FBXO28: variants seen among roughly 807,000 people sequenced by gnomAD.
The protein encoded by FBXO28 is F-box only protein 28.
FBXO28 carries 8 observed loss-of-function variants against 38.1 expected under a neutral mutation model. The observed-to-expected ratio is 0.21, with a 90% CI of 0.12 to 0.38. The LOEUF (loss-of-function observed/expected upper bound fraction) is 0.38, where lower values mean the gene tolerates loss of function less well. Ranked by LOEUF, FBXO28 falls within the 10% of genes least tolerant of loss-of-function variation. FBXO28 has a pLI of 1.00. For missense variants in FBXO28, 345 were observed against 460.6 expected (o/e 0.75, Z 2.30); for synonymous variants, 168 against 173.8 (o/e 0.97, Z 0.26).
chr1:224,122,912 C>G (rs568924032), intron 1 of FBXO28, among the ~76,000 whole-genome samples: 1 of 152,178 alleles, frequency 6.6e-6, no homozygotes, highest in East Asian at 1.9e-4. Flanking sequence ...GGACTCTAAT[C>G]AATTTGAAAT....
chr1:224,146,702 A>ATTTTTT (rs5781350), intron 3 of FBXO28, among the ~76,000 whole-genome samples: 2 of 110,320 alleles, frequency 1.8e-5, no homozygotes, highest in African/African-American at 3.6e-5. Flanking sequence ...TAAAACTAAA[A>ATTTTTT]TTTTTTTTTT....
chr1:224,126,261 A>G (rs1255605581), intron 1 of FBXO28, among the ~76,000 whole-genome samples: 2 of 152,224 alleles, frequency 1.3e-5, no homozygotes, highest in Admixed American at 1.3e-4. Context: ...TTATTGAAAG[A>G]TATCTAAACC....
chr1:224,118,034 T>G (rs1656685653), intron 1 of FBXO28, among the ~76,000 whole-genome samples: 1 of 151,480 alleles, frequency 6.6e-6, no homozygotes, highest in African/African-American at 2.4e-5. Context: ...TATTTATTTT[T>G]AATTTTTGAG....
chr1:224,147,826 CAAAAAAA>C (rs3065995), intron 3 of FBXO28, among the ~76,000 whole-genome samples: 2 of 127,892 alleles, frequency 1.6e-5, no homozygotes, highest in Admixed American at 7.7e-5. Flanking sequence ...ATGTAATTTG[CAAAAAAA>C]AAAAAAAAAA....
chr1:224,141,344 G>A (rs1032687696), intron 3 of FBXO28, among the ~76,000 whole-genome samples: 1 of 151,032 alleles, frequency 6.6e-6, no homozygotes, highest in Non-Finnish European at 1.5e-5. Flanking sequence ...GGTGGCGGGT[G>A]CCTGTAGTCC....
intron 3 of FBXO28, among the ~76,000 whole-genome samples, chr1:224,141,793 A>T (rs1433225628): frequency 6.6e-6 from 1 of 152,176 alleles, no homozygotes; most frequent in African/African-American, 2.4e-5. Context: ...AATGAAACTC[A>T]GTTTCTCTGG....
At chr1:224,131,267 C>A (rs183354075) in intron 2 of FBXO28, among the ~76,000 whole-genome samples, 480 of 151,210 alleles carry the variant, frequency 3.2e-3, no homozygotes, top group Middle Eastern at 0.014. Flanking sequence ...TTTTTTGTAA[C>A]CCCTGTCAAA....
chr1:224,134,351 T>A, intron 3 of FBXO28, 139 bp downstream of exon 3: 1 of 714,442 alleles, frequency 1.4e-6, no homozygotes, highest in Non-Finnish European at 2.2e-6. Flanking sequence ...TTGCTTTCTG[T>A]ACAGTTATAA....
At chr1:224,128,460 A>G (rs968409979) in intron 1 of FBXO28, among the ~76,000 whole-genome samples, 9 of 152,098 alleles carry the variant, frequency 5.9e-5, no homozygotes, top group African/African-American at 2.2e-4. Flanking sequence ...TCAAATTAGT[A>G]CTAAGATAAA....
Position 224,157,887 on chromosome 1 carries a change from T to G in FBXO28, c.*141T>G. 7.0e-7 allele frequency: 1 copy of G among 1,428,900 alleles called. No individual in the cohort carries two copies. The highest frequency in any genetic ancestry group is 9.1e-7 in the Non-Finnish European group (1 of 1,098,178). 88.5% of individuals were successfully genotyped at this position (1,428,900 alleles called of 1,614,324 possible). ...CAACTTAAACTTGAACTCTTATGGTTGGGACATTCTTTTCCTGCTTCTCCT... is the reference window on the plus strand; with the variant it reads ...CAACTTAAACTTGAACTCTTATGGTGGGGACATTCTTTTCCTGCTTCTCCT... On this transcript the variant is annotated 3_prime_UTR_variant, in exon 5 of 5. Coordinates refer to ENST00000366862, the MANE Select transcript of FBXO28 (RefSeq NM_015176.4).
chr1:224,145,106 A>AC, intron 3 of FBXO28, among the ~76,000 whole-genome samples: 1 of 151,646 alleles, frequency 6.6e-6, no homozygotes, highest in Non-Finnish European at 1.5e-5. Context: ...ACATGGTGAA[A>AC]CCCCATCTCT....
At chr1:224,138,930 T>A (rs1200339961) in intron 3 of FBXO28, among the ~76,000 whole-genome samples, 1 of 151,564 alleles carries the variant, frequency 6.6e-6, no homozygotes, top group South Asian at 2.1e-4. Flanking sequence ...TACAGGCACA[T>A]GCCACCATGC....
rs1384466017 is a variant in FBXO28, at chr1:224,161,962, T to G, written c.*4216T>G. 6.6e-6 allele frequency: 1 copy of G among 152,232 alleles called. No individual in the cohort carries two copies. The highest frequency in any genetic ancestry group is 1.9e-4 in the East Asian group (1 of 5,204). The allele number at this position is 152,232 out of a possible 1,614,324, so 9.4% of individuals were successfully genotyped here. A position where few individuals can be genotyped will look rare whatever the true frequency, so the allele number is the denominator to read the frequency against. On this transcript the variant is annotated 3_prime_UTR_variant, in exon 5 of 5. Coordinates refer to ENST00000366862, the MANE Select transcript of FBXO28 (RefSeq NM_015176.4). ...CTAGTTTACCTTCTGGAATTTTAATTGTTATAACCGAATCAATTATTGGAA... is the reference window on the plus strand; with the variant it reads ...CTAGTTTACCTTCTGGAATTTTAATGGTTATAACCGAATCAATTATTGGAA...
chr1:224,149,406 G>T (rs761708714), intron 3 of FBXO28, among the ~76,000 whole-genome samples: 4 of 151,802 alleles, frequency 2.6e-5, no homozygotes, highest in Non-Finnish European at 2.9e-5. Flanking sequence ...GCCCAGGCTG[G>T]TCTCAAACTC....
At chr1:224,142,827 T>A (rs1041207362) in intron 3 of FBXO28, among the ~76,000 whole-genome samples, 2 of 152,092 alleles carry the variant, frequency 1.3e-5, no homozygotes, top group Admixed American at 1.3e-4. Flanking sequence ...GTGCCTGTAA[T>A]CCCAGCCACT....
chr1:224,118,963 G>A (rs1656708362), intron 1 of FBXO28, among the ~76,000 whole-genome samples: 1 of 152,102 alleles, frequency 6.6e-6, no homozygotes, highest in South Asian at 2.1e-4. Context: ...GAGAATGAGT[G>A]GAAAAGGCAA....
Position 224,120,993 on chromosome 1 carries a change from C to CT in FBXO28, c.267+6608dup, listed in dbSNP as rs1226694834. Among the ~76,000 whole-genome samples the CT allele has an allele frequency of 1.7e-3, 247 of 146,470 alleles. 5 individuals carry two copies. The highest frequency in any genetic ancestry group is 0.013 in the East Asian group (64 of 5,068). On this transcript the variant is annotated intron_variant, in intron 1 of 4. Transcript: ENST00000366862. ...TTACTTCCAAGAGAGGAGATTAGAA[C>CT]TTTTTTTTTTTACATTTTTCATTCA...
chr1:224,120,798 G>A (rs940447007), intron 1 of FBXO28, among the ~76,000 whole-genome samples: 1 of 150,558 alleles, frequency 6.6e-6, no homozygotes, highest in Non-Finnish European at 1.5e-5. Flanking sequence ...GGGAGCCAAA[G>A]GTTGCAGTGA....
chr1:224,132,107 C>T (rs541600367), intron 2 of FBXO28, among the ~76,000 whole-genome samples: 45 of 152,012 alleles, frequency 3.0e-4, no homozygotes, highest in Non-Finnish European at 6.3e-4. Context: ...ACAAAAACTA[C>T]CTGGGCATGG....
Sources: allele counts gnomAD v4.1 joint callset (sites outside exome capture counted in the v4.1 genomes callset), GRCh38; gene constraint gnomAD v4.1.1; transcripts MANE v1.5; gene names NCBI Gene and HGNC (gene_info 2026-07-23, HGNC 2026-07-21).